The following GALNT13 variants were observed in gnomAD, a reference collection of about 807,000 sequenced individuals.
GALNT13 encodes UDP-GalNAc:polypeptide N-acetylgalactosaminyltransferase 13.
In GALNT13, 28 loss-of-function variants were observed where a neutral mutation model predicts 64.2. The ratio of observed to expected loss-of-function variants is 0.44; its 90% confidence interval spans 0.32 to 0.60. The LOEUF is 0.60. Ranked by LOEUF, GALNT13 falls within the 20% of genes least tolerant of loss-of-function variation. The pLI is 0.05. For missense variants in GALNT13, 577 were observed against 669.8 expected (o/e 0.86, Z 1.53); for synonymous variants, 214 against 224.6 (o/e 0.95, Z 0.42).
the GALNT13 span, among the ~76,000 whole-genome samples, chr2:153,723,949 A>C: frequency 6.6e-6 from 1 of 150,794 alleles, no homozygotes; most frequent in Non-Finnish European, 1.5e-5. Context: ...AATTGAAAAA[A>C]ACTACTTTAA....
At chr2:153,732,893 A>T in the GALNT13 span, among the ~76,000 whole-genome samples, 1 of 152,190 alleles carries the variant, frequency 6.6e-6, no homozygotes, top group South Asian at 2.1e-4. Flanking sequence ...AACTTATAGG[A>T]TGTCTTGATT....
the GALNT13 span, among the ~76,000 whole-genome samples, chr2:153,418,764 G>A: frequency 6.6e-6 from 1 of 152,050 alleles, no homozygotes; most frequent in African/African-American, 2.4e-5. Flanking sequence ...GGGCTGAGGT[G>A]GGAGGATGGC....
the GALNT13 span, among the ~76,000 whole-genome samples, chr2:153,396,935 T>G: frequency 2.0e-5 from 3 of 152,234 alleles, no homozygotes; most frequent in Admixed American, 2.0e-4. Context: ...GCAAAGAAAG[T>G]TTGTTTCCAA....
chr2:153,575,846 T>C, the GALNT13 span, among the ~76,000 whole-genome samples: 1 of 152,164 alleles, frequency 6.6e-6, no homozygotes, highest in Middle Eastern at 3.2e-3. Context: ...TCTACTTTCC[T>C]GTGTCCATGC....
chr2:154,325,807 C>A (rs1694847655), intron 9 of GALNT13, among the ~76,000 whole-genome samples: 1 of 151,938 alleles, frequency 6.6e-6, no homozygotes, highest in Admixed American at 6.6e-5. Context: ...TAATTTTACT[C>A]TTTCAATATG....
chr2:153,509,774 G>A, the GALNT13 span, among the ~76,000 whole-genome samples: 1 of 152,144 alleles, frequency 6.6e-6, no homozygotes, highest in African/African-American at 2.4e-5. Flanking sequence ...TGGCCCCTAA[G>A]GGACTCAGAC....
At chr2:154,448,727 G>A (rs1701721772) in intron 12 of GALNT13, among the ~76,000 whole-genome samples, 1 of 151,968 alleles carries the variant, frequency 6.6e-6, no homozygotes, top group East Asian at 1.9e-4. Context: ...CTAAGTCTGT[G>A]CTATATTTTG....
At chr2:154,412,013 G>T (rs932933140) in intron 11 of GALNT13, among the ~76,000 whole-genome samples, 2 of 151,492 alleles carry the variant, frequency 1.3e-5, no homozygotes, top group African/African-American at 4.8e-5. Context: ...TTGATCCATT[G>T]CCATTAATTA....
At chr2:154,079,775 T>A (rs1208529856) in intron 3 of GALNT13, among the ~76,000 whole-genome samples, 3 of 151,688 alleles carry the variant, frequency 2.0e-5, no homozygotes, top group African/African-American at 7.3e-5. Context: ...AATAACCTTT[T>A]AAGTAATTTG....
At chr2:154,309,763 C>T (rs1282392472) in intron 9 of GALNT13, among the ~76,000 whole-genome samples, 2 of 152,164 alleles carry the variant, frequency 1.3e-5, no homozygotes, top group African/African-American at 4.8e-5. Context: ...TCATCCAAAC[C>T]ACAGCAGCCT....
rs748218535 is a variant in GALNT13, at chr2:154,259,130, T to G, written c.967T>G (p.Ser323Ala). 1 of 1,539,478 alleles carries G rather than the reference T, an allele frequency of 6.5e-7. No individual in the cohort carries two copies. Among genetic ancestry groups the G allele is most frequent in the African/African-American group, 1.4e-5 (1 of 73,144 alleles). The change falls in exon 8 of 13, where the codon TCT (serine) becomes GCT (alanine). Residue 323 changes from serine to alanine, a missense_variant. By Grantham distance (99) the Ser-to-Ala change is moderately conservative. Around this residue, in one of 3 missense-constraint regions of GALNT13, gnomAD observed 4 missense variants for 20.0 expected, o/e 0.20. Coordinates refer to ENST00000392825, the MANE Select transcript of GALNT13 (RefSeq NM_052917.4). ...DIWGGENLEMSFRIWQCGGSL... is the reference protein window; with the variant it reads ...DIWGGENLEMAFRIWQCGGSL... ...CTGGGGTGGAGAGAATCTTGAAATG[T>G]CTTTTAGGGTAATTGCATTTTATTT...
chr2:153,828,100 A>C, the GALNT13 span, among the ~76,000 whole-genome samples: 4 of 152,202 alleles, frequency 2.6e-5, no homozygotes, highest in Admixed American at 2.6e-4. Context: ...GTCGCTTTGC[A>C]GGGTACAGCC....
At chr2:153,477,657 TCAAA>T in the GALNT13 span, 1 of 141,992 alleles carries the variant, frequency 7.0e-6, no homozygotes, top group South Asian at 2.3e-4. Context: ...AAAAGACTTA[TCAAA>T]CATTTGTATT....
At chr2:153,219,028 A>G in the GALNT13 span, among the ~76,000 whole-genome samples, 40 of 152,332 alleles carry the variant, frequency 2.6e-4, no homozygotes, top group South Asian at 1.2e-3. Flanking sequence ...CTCAATTTCA[A>G]TGTATATATA....
At chr2:153,076,980 C>A in the GALNT13 span, among the ~76,000 whole-genome samples, 1 of 151,738 alleles carries the variant, frequency 6.6e-6, no homozygotes, top group East Asian at 1.9e-4. Context: ...TAGACAGAGT[C>A]TTGCTCTTTT....
the GALNT13 span, among the ~76,000 whole-genome samples, chr2:153,635,245 C>G: frequency 6.6e-6 from 1 of 151,838 alleles, no homozygotes; most frequent in African/African-American, 2.4e-5. Flanking sequence ...ATTTTGCCAT[C>G]CCCCAAGTGG....
At chr2:153,800,833 T>C in the GALNT13 span, among the ~76,000 whole-genome samples, 1 of 152,204 alleles carries the variant, frequency 6.6e-6, no homozygotes, top group Non-Finnish European at 1.5e-5. Context: ...CACTGAAGTC[T>C]TGAATCCCTC....
the GALNT13 span, among the ~76,000 whole-genome samples, chr2:153,703,491 A>G: frequency 6.6e-6 from 1 of 151,154 alleles, no homozygotes; most frequent in Non-Finnish European, 1.5e-5. Flanking sequence ...CAGGTTTTTC[A>G]TCTTTCCTTT....
intron 4 of GALNT13, among the ~76,000 whole-genome samples, chr2:154,173,525 G>A (rs898333723): frequency 5.9e-5 from 9 of 151,782 alleles, no homozygotes; most frequent in South Asian, 2.1e-4. Flanking sequence ...TTGGAAGCTC[G>A]AGTAACCAAA....
Sources: allele counts gnomAD v4.1 joint callset (sites outside exome capture counted in the v4.1 genomes callset), GRCh38; gene constraint gnomAD v4.1.1; regional missense constraint gnomAD v4.1.1; transcripts MANE v1.5; gene names NCBI Gene and HGNC (gene_info 2026-07-23, HGNC 2026-07-21).